Variants in POLR1A observed in about 807,000 individuals in gnomAD.
POLR1A encodes the protein RNA polymerase I subunit A.
Under a neutral mutation model 205.3 loss-of-function variants are expected in POLR1A, and 84 were observed. That is an observed-to-expected ratio of 0.41 (90% CI 0.34 to 0.49). POLR1A has a LOEUF of 0.49. Among genes scored for constraint, POLR1A ranks in the 20% least tolerant of loss-of-function variants. The pLI is 0.22. For synonymous variants in POLR1A, 799 were observed against 863.7 expected (o/e 0.93, Z 1.31); for missense variants, 1,645 against 2,204.5 (o/e 0.75, Z 5.08).
chr2:86,098,860 T>C (rs1444853047), intron 2 of POLR1A, 100 bp from the exon 3 acceptor site: 20 of 1,119,362 alleles, frequency 1.8e-5, no homozygotes, highest in Non-Finnish European at 2.6e-5. Context: ...AGTCAGTCTA[T>C]TCCTTTAAAA....
chr2:86,075,564 A>G lies in POLR1A; in HGVS notation c.1381-304T>C, dbSNP rs184046871. Among the ~76,000 whole-genome samples the G allele has an allele frequency of 6.9e-3, 1,048 of 152,198 alleles. 15 individuals are homozygous for G. The highest frequency in any genetic ancestry group is 0.023 in the African/African-American group (966 of 41,524). ...GCTCTTGTTGCCCAGGCTGGAGTGC[A>G]ATGGCGCGATCTCGGCTCACCACAA... On this transcript the variant is annotated intron_variant, in intron 11 of 33. Transcript: ENST00000263857.
intron 22 of POLR1A, among the ~76,000 whole-genome samples, chr2:86,043,490 G>C (rs180698236): frequency 3.2e-4 from 48 of 152,300 alleles, no homozygotes; most frequent in Non-Finnish European, 6.0e-4. Flanking sequence ...TTTCTGGGAA[G>C]AAAGGAAGAG....
At chr2:86,077,002 C>T (rs1014815145) in intron 11 of POLR1A, among the ~76,000 whole-genome samples, 4 of 152,204 alleles carry the variant, frequency 2.6e-5, no homozygotes, top group Non-Finnish European at 5.9e-5. Context: ...TCTCCTGACA[C>T]ATCACGCCTT....
At position 86,096,101 on chromosome 2, in the gene POLR1A, G is replaced by A. The variant is rs954239145; in HGVS notation, c.432+2510C>T. ...AGAACTCATAAACAAACTCAGTAAA[G>A]TTGCAGGATAAAAAAAATCAGTAGC... On this transcript the variant is annotated intron_variant, in intron 3 of 33. Coordinates refer to ENST00000263857, the MANE Select transcript of POLR1A (RefSeq NM_015425.6). Among the ~76,000 whole-genome samples, 2 of 151,906 alleles carry A rather than the reference G, an allele frequency of 1.3e-5. 1 individual carries two copies. The highest frequency in any genetic ancestry group is 4.2e-4 in the South Asian group (2 of 4,816).
At chr2:86,092,205 T>C (rs1468844220) in intron 3 of POLR1A, among the ~76,000 whole-genome samples, 3 of 152,202 alleles carry the variant, frequency 2.0e-5, no homozygotes, top group Admixed American at 1.3e-4. Flanking sequence ...ATGACCCCAA[T>C]TGGTTAGGCT....
chr2:86,060,542 T>C (rs550102533), intron 14 of POLR1A, among the ~76,000 whole-genome samples: 34 of 152,324 alleles, frequency 2.2e-4, no homozygotes, highest in African/African-American at 8.2e-4. Flanking sequence ...ACTCATATAT[T>C]ACTACTTGGT....
chr2:86,028,757 G>T lies in POLR1A; in HGVS notation c.4780-46C>A. 1 of 1,379,774 alleles carries T rather than the reference G, an allele frequency of 7.2e-7. No individual in the cohort carries two copies. The highest frequency in any genetic ancestry group is 1.0e-6 in the Non-Finnish European group (1 of 969,070). 85.5% of individuals were successfully genotyped at this position (1,379,774 alleles called of 1,614,324 possible). ...ATTTATTTAGAGGGCCTGGCCTTCT[G>T]CTCCCTTCTGCCTGCGTATCTCCCC... On this transcript the variant is annotated intron_variant, in intron 31 of 33. Transcript: ENST00000263857. The surrounding 1 kb of genome is among the most constrained non-coding windows in gnomAD (Gnocchi z 4.5).
At chr2:86,072,329 T>C (rs1041127754) in intron 12 of POLR1A, among the ~76,000 whole-genome samples, 1 of 152,228 alleles carries the variant, frequency 6.6e-6, no homozygotes, top group African/African-American at 2.4e-5. Flanking sequence ...GACTGCGTCA[T>C]ACAAGCTGAG....
At chr2:86,076,784 T>C (rs1415051637) in intron 11 of POLR1A, among the ~76,000 whole-genome samples, 1 of 152,216 alleles carries the variant, frequency 6.6e-6, no homozygotes, top group African/African-American at 2.4e-5. Flanking sequence ...CTGTAGGCAC[T>C]ATGAAGTCAA....
intron 14 of POLR1A, among the ~76,000 whole-genome samples, chr2:86,059,671 T>A (rs2104404345): frequency 6.6e-6 from 1 of 152,326 alleles, no homozygotes; most frequent in East Asian, 1.9e-4. Flanking sequence ...GTTCAAGTGA[T>A]TTTCGTGCCT....
Position 86,033,763 on chromosome 2 carries a change from G to A in POLR1A, c.4059C>T (p.Ser1353=), listed in dbSNP as rs1294634344. Residue 1353 remains serine, a synonymous_variant, in exon 28 of 34, where the codon TCC becomes TCT. Coordinates refer to ENST00000263857, the MANE Select transcript of POLR1A (RefSeq NM_015425.6). ...ATGCTTTATTATTCTTCTTTTTGAT[G>A]GATTCCATCAGAAGTTTAAAGAATC... ...ETRFFKLLME[S]IKKKNNKASA... The A allele has an allele frequency of 6.2e-7, 1 of 1,613,998 alleles. No individual in the cohort carries two copies. Among genetic ancestry groups the A allele is most frequent in the African/African-American group, 1.3e-5 (1 of 75,030 alleles).
At chr2:86,053,168 C>A (rs761000641) in intron 15 of POLR1A, among the ~76,000 whole-genome samples, 168 bp from the exon 16 acceptor site, 10 of 152,090 alleles carry the variant, frequency 6.6e-5, no homozygotes, top group South Asian at 2.1e-4. Flanking sequence ...TATTTTCTCT[C>A]TATATATATT....
At chr2:86,084,598 AG>A (rs1234487652) in intron 6 of POLR1A, among the ~76,000 whole-genome samples, 6 of 151,898 alleles carry the variant, frequency 4.0e-5, no homozygotes, top group Non-Finnish European at 8.8e-5. Context: ...CTAAGTTAAG[AG>A]TATACGGCTC....
intron 2 of POLR1A, among the ~76,000 whole-genome samples, chr2:86,099,086 A>AGGTGG (rs1271848320): frequency 6.6e-6 from 1 of 152,160 alleles, no homozygotes; most frequent in East Asian, 1.9e-4. Context: ...CCGTAATCCC[A>AGGTGG]GCATTTTGGG....
At position 86,042,905 on chromosome 2, in the gene POLR1A, C is replaced by T. The variant is rs1326800806; in HGVS notation, c.3357+69G>A. 4.6e-6 allele frequency: 5 copies of T among 1,094,104 alleles called. No individual in the cohort carries two copies. The Admixed American group carries it at 8.7e-5, about 19-fold the overall frequency. 67.8% of individuals were successfully genotyped at this position (1,094,104 alleles called of 1,614,324 possible). On this transcript the variant is annotated intron_variant, in intron 23 of 33. Transcript: ENST00000263857. Reference sequence around the variant, plus strand: ...TTCTACCTTCTCTTAGGAAAACAGCCCCTCATCCCTCACCCACTGACTAAG... The same window carrying T: ...TTCTACCTTCTCTTAGGAAAACAGCTCCTCATCCCTCACCCACTGACTAAG...
At chr2:86,076,905 T>C (rs1168395456) in intron 11 of POLR1A, among the ~76,000 whole-genome samples, 1 of 152,160 alleles carries the variant, frequency 6.6e-6, no homozygotes, top group Non-Finnish European at 1.5e-5. Flanking sequence ...GCAAAGCTGG[T>C]CCTCACCACA....
At chr2:86,060,794 C>T (rs539960166) in intron 14 of POLR1A, among the ~76,000 whole-genome samples, 46 of 152,274 alleles carry the variant, frequency 3.0e-4, no homozygotes, top group African/African-American at 1.1e-3. Context: ...AGAGCTCCTA[C>T]AGGACTAGTC....
rs1359839735 is a variant in POLR1A at position 86,080,989 on chromosome 2, A to G, written c.924-11T>C. The G allele has an allele frequency of 6.2e-7, 1 of 1,603,336 alleles. No individual in the cohort carries two copies. The highest frequency in any genetic ancestry group is 1.7e-5 in the Admixed American group (1 of 58,868). ...CTGACTGGGCGATACCTGCAGGGGG[A>G]CATACGGAATAAATGAATGTTTAGT... On this transcript the variant is annotated splice_polypyrimidine_tract_variant and intron_variant, in intron 8 of 33. Coordinates refer to ENST00000263857, the MANE Select transcript of POLR1A (RefSeq NM_015425.6).
chr2:86,054,610 G>C (rs1051639033), intron 14 of POLR1A, among the ~76,000 whole-genome samples: 1 of 152,216 alleles, frequency 6.6e-6, no homozygotes, highest in African/African-American at 2.4e-5. Flanking sequence ...AAAGGAAGGA[G>C]AGGAAAAAGT....
Sources: allele counts gnomAD v4.1 joint callset (sites outside exome capture counted in the v4.1 genomes callset), GRCh38; gene constraint gnomAD v4.1.1; non-coding constraint Gnocchi (gnomAD v3.1); transcripts MANE v1.5; gene names NCBI Gene and HGNC (gene_info 2026-07-23, HGNC 2026-07-21).